RIMS1: variants seen among roughly 807,000 people sequenced by gnomAD.
The protein encoded by RIMS1 is regulating synaptic membrane exocytosis protein 1.
A neutral mutation model predicts 214.1 loss-of-function variants in RIMS1; 83 were observed. The observed-to-expected ratio is 0.39, with a 90% CI of 0.32 to 0.47. The LOEUF (loss-of-function observed/expected upper bound fraction) is 0.47, where lower values mean the gene tolerates loss of function less well. Among genes scored for constraint, RIMS1 ranks in the 20% least tolerant of loss-of-function variants. RIMS1 has a pLI of 0.99. For missense variants in RIMS1, 2,050 were observed against 2,161.8 expected, an observed-to-expected ratio of 0.95 and a Z score of 1.03; for synonymous variants, 793 against 786.8, an observed-to-expected ratio of 1.01 and a Z score of -0.13.
chr6:71,903,487 G>A (rs1025801139), intron 1 of RIMS1, among the ~76,000 whole-genome samples: 2 of 152,058 alleles, frequency 1.3e-5, no homozygotes, highest in Non-Finnish European at 2.9e-5. Flanking sequence ...TGCAACAAAA[G>A]CAAAAATTGA....
intron 2 of RIMS1, among the ~76,000 whole-genome samples, chr6:72,086,120 A>AC: frequency 6.6e-6 from 1 of 152,230 alleles, no homozygotes; most frequent in East Asian, 1.9e-4. Context: ...ATAGTGATGA[A>AC]CCCCAAGTCC....
intron 2 of RIMS1, among the ~76,000 whole-genome samples, chr6:72,012,525 A>T (rs1010742965): frequency 6.6e-6 from 1 of 152,160 alleles, no homozygotes; most frequent in Non-Finnish European, 1.5e-5. Flanking sequence ...AAGGATTAAT[A>T]ACTAGTCATT....
intron 1 of RIMS1, among the ~76,000 whole-genome samples, chr6:71,942,422 A>G (rs1394312943): frequency 1.3e-5 from 2 of 152,194 alleles, no homozygotes; most frequent in African/African-American, 4.8e-5. Context: ...CTTGGTTTAT[A>G]TAGATATTAT....
intron 27 of RIMS1, among the ~76,000 whole-genome samples, chr6:72,307,630 C>G (rs1324157684): frequency 3.9e-5 from 6 of 151,992 alleles, no homozygotes. Flanking sequence ...GCCTGTAATC[C>G]CAGCTACTTG....
intron 22 of RIMS1, among the ~76,000 whole-genome samples, chr6:72,268,363 GTAGA>G (rs2081528529): frequency 6.6e-6 from 1 of 152,146 alleles, no homozygotes; most frequent in South Asian, 2.1e-4. Flanking sequence ...TATATACATA[GTAGA>G]TAAAATGTTA....
chr6:72,060,024 C>T (rs1326083376), intron 2 of RIMS1, among the ~76,000 whole-genome samples: 6 of 151,942 alleles, frequency 3.9e-5, no homozygotes, highest in South Asian at 2.1e-4. Context: ...CCACAACCTC[C>T]GCCTCCTGGG....
intron 4 of RIMS1, among the ~76,000 whole-genome samples, chr6:72,141,692 CTAAAGTTT>C (rs1289521789): frequency 6.6e-6 from 1 of 151,830 alleles, no homozygotes; most frequent in East Asian, 1.9e-4. Context: ...AGAGTAAGTA[CTAAAGTTT>C]TAAAGTTTTA....
chr6:72,000,159 G>A (rs906431488), intron 2 of RIMS1, among the ~76,000 whole-genome samples: 2 of 151,918 alleles, frequency 1.3e-5, no homozygotes, highest in Non-Finnish European at 1.5e-5. Flanking sequence ...TATATGATAT[G>A]ATATATTAAT....
chr6:71,908,489 A>G (rs1718223874), intron 1 of RIMS1, among the ~76,000 whole-genome samples: 1 of 152,162 alleles, frequency 6.6e-6, no homozygotes, highest in African/African-American at 2.4e-5. Flanking sequence ...GCTTCATATG[A>G]GCCTCCTCTA....
In RIMS1 at chr6:72,106,078, C is replaced by G. The variant is rs140500502; in HGVS notation, c.471+6092C>G. Among the ~76,000 whole-genome samples the G allele has an allele frequency of 8.6e-3, 1,312 of 152,218 alleles. 11 individuals carry two copies. The highest frequency in any genetic ancestry group is 0.029 in the African/African-American group (1,203 of 41,538). ...GTCCTTGTTTTTATATATGGCCTTA[C>G]TAAGGCATTTAACAAATACATTTAT... is the stretch of plus-strand genomic sequence containing the variant. On this transcript the variant is annotated intron_variant, in intron 4 of 33. Transcript: ENST00000521978.
At chr6:72,034,522 T>C (rs990908098) in intron 2 of RIMS1, among the ~76,000 whole-genome samples, 2 of 151,938 alleles carry the variant, frequency 1.3e-5, no homozygotes, top group Admixed American at 6.6e-5. Flanking sequence ...CTGGAACAGG[T>C]GTGGTGCTCC....
intron 9 of RIMS1, among the ~76,000 whole-genome samples, chr6:72,240,489 T>A (rs1185746087): frequency 1.3e-5 from 2 of 151,852 alleles, no homozygotes; most frequent in East Asian, 3.9e-4. Context: ...TCATATAATA[T>A]GAATATATAT....
intron 2 of RIMS1, among the ~76,000 whole-genome samples, chr6:71,994,607 A>G (rs1311823737): frequency 6.6e-6 from 1 of 152,170 alleles, no homozygotes; most frequent in Non-Finnish European, 1.5e-5. Context: ...CCTTATCCAA[A>G]TGGTATTTTT....
intron 24 of RIMS1, 71 bp from the exon 25 acceptor site, chr6:72,290,608 G>A: frequency 7.3e-7 from 1 of 1,375,692 alleles, no homozygotes; most frequent in East Asian, 2.4e-5. Flanking sequence ...GTTTTCCTTG[G>A]ACAAATGTGT....
intron 2 of RIMS1, among the ~76,000 whole-genome samples, chr6:72,052,022 G>A (rs1339199767): frequency 1.3e-5 from 2 of 152,128 alleles, no homozygotes; most frequent in Admixed American, 1.3e-4. Flanking sequence ...ATTATGCTTT[G>A]CGAAAATTTC....
In RIMS1 at chr6:71,938,447, C is replaced by T. The variant is rs147975954; in HGVS notation, c.165-30536C>T. 3.8e-3 allele frequency among the ~76,000 whole-genome samples: 584 copies of T among 152,298 alleles called. 2 individuals are homozygous for T. The highest frequency in any genetic ancestry group is 0.021 in the Admixed American group (324 of 15,308). On this transcript the variant is annotated intron_variant, in intron 1 of 33. Transcript: ENST00000521978. Reference sequence around the variant, plus strand: ...AGTTTCTGTCCATGACATTCTTTGACGTCTATGTAGACAACACTATGCCTA... The same window carrying T: ...AGTTTCTGTCCATGACATTCTTTGATGTCTATGTAGACAACACTATGCCTA...
chr6:72,202,833 AC>A (rs1473521559), intron 6 of RIMS1, among the ~76,000 whole-genome samples: 1 of 70,752 alleles, frequency 1.4e-5, no homozygotes, highest in Non-Finnish European at 2.7e-5. Flanking sequence ...ATGTTACTTA[AC>A]CCCTAAGTCT....
chr6:72,007,384 C>T (rs1368628214), intron 2 of RIMS1, among the ~76,000 whole-genome samples: 1 of 152,176 alleles, frequency 6.6e-6, no homozygotes, highest in Non-Finnish European at 1.5e-5. Flanking sequence ...AAAAACAGAG[C>T]AGAAAAACTG....
At chr6:72,204,270 C>G (rs1223888091) in intron 6 of RIMS1, among the ~76,000 whole-genome samples, 1 of 152,168 alleles carries the variant, frequency 6.6e-6, no homozygotes, top group Non-Finnish European at 1.5e-5. Flanking sequence ...GAGGATCATA[C>G]AAAGGTAGTA....
Sources: gnomAD v4.1 joint callset for allele counts (sites outside exome capture counted in the v4.1 genomes callset) on GRCh38, gnomAD v4.1.1 for gene constraint, MANE v1.5 for transcripts, NCBI Gene and HGNC (gene_info 2026-07-23, HGNC 2026-07-21) for gene names.